REL: variants seen among roughly 807,000 people sequenced by gnomAD.
The protein encoded by REL is REL proto-oncogene, NF-kB subunit, also known as proto-oncogene c-Rel.
Under a neutral mutation model 45.9 loss-of-function variants are expected in REL, and 15 were observed. The observed-to-expected ratio is 0.33, with a 90% confidence interval of 0.22 to 0.50. The LOEUF is 0.50. Among genes scored for constraint, REL ranks in the 20% least tolerant of loss-of-function variants. The probability of loss-of-function intolerance (pLI) is 0.98; values close to 1 mark genes in which losing one functional copy is unlikely to be tolerated. For synonymous variants in REL, 239 were observed against 242.1 expected, an observed-to-expected ratio of 0.99 and a Z score of 0.12; for missense variants, 601 against 715.2, an observed-to-expected ratio of 0.84 and a Z score of 1.82.
rs1291307536 is a variant in REL at position 60,929,509 on chromosome 2, A to T, written c.*6974A>T. 2 of 151,636 alleles carry T rather than the reference A, an allele frequency of 1.3e-5. No individual in the cohort carries two copies. The highest frequency in any genetic ancestry group is 4.9e-5 in the African/African-American group (2 of 41,194). The allele number at this position is 151,636 out of a possible 1,614,324, so 9.4% of individuals were successfully genotyped here. On this transcript the variant is annotated 3_prime_UTR_variant, in exon 10 of 10. Transcript: ENST00000394479. ...TGCAGCCATAAAAAATGATGAATTC[A>T]TGTCCTTTGTAGGGACATGGATGAA...
chr2:60,917,439 C>A (rs956453043), intron 5 of REL, among the ~76,000 whole-genome samples: 10 of 151,814 alleles, frequency 6.6e-5, no homozygotes, highest in African/African-American at 2.4e-4. Context: ...TACCCTCTTA[C>A]AAGGCATTTG....
Position 60,891,875 on chromosome 2 carries a change from C to G in REL, c.153+50C>G, listed in dbSNP as rs780568160. On this transcript the variant is annotated intron_variant, in intron 2 of 9. Transcript: ENST00000394479. ...ATCTCACTATTAGTTGCTTCATATACTAGCTATAGCAATTATTTTAAAGGG... is the reference window on the plus strand; with the variant it reads ...ATCTCACTATTAGTTGCTTCATATAGTAGCTATAGCAATTATTTTAAAGGG... 10 of 1,449,412 alleles carry G rather than the reference C, an allele frequency of 6.9e-6. 1 individual carries two copies. The Admixed American group carries it at 1.4e-4, about 20-fold the overall frequency. 89.8% of individuals were successfully genotyped at this position (1,449,412 alleles called of 1,614,324 possible).
chr2:60,923,382 A>G lies in REL; in HGVS notation c.*847A>G, dbSNP rs1674196173. 1 of 230,952 alleles carries G rather than the reference A, an allele frequency of 4.3e-6. No individual in the cohort carries two copies. The highest frequency in any genetic ancestry group is 2.2e-5 in the African/African-American group (1 of 45,210). 14.3% of individuals were successfully genotyped at this position (230,952 alleles called of 1,614,324 possible). A position where few individuals can be genotyped will look rare whatever the true frequency, so the allele number is the denominator to read the frequency against. On this transcript the variant is annotated 3_prime_UTR_variant, in exon 10 of 10. Transcript: ENST00000394479. ...TGCTTATGATTTTAGCTGTACACTC[A>G]TTTTTTAAGGGGAAGAAGTTTCCTT...
chr2:60,886,683 A>C (rs1346868990), intron 1 of REL, among the ~76,000 whole-genome samples: 1 of 152,156 alleles, frequency 6.6e-6, no homozygotes, highest in Admixed American at 6.5e-5. Context: ...AATTCTAGCA[A>C]TAAAGTGTTT....
At chr2:60,910,809 G>A in intron 4 of REL, among the ~76,000 whole-genome samples, 1 of 152,066 alleles carries the variant, frequency 6.6e-6, no homozygotes, top group Non-Finnish European at 1.5e-5. Flanking sequence ...GTGCATGCCT[G>A]TAATCCTAGC....
intron 4 of REL, among the ~76,000 whole-genome samples, chr2:60,910,659 C>T (rs1673788642): frequency 6.6e-6 from 1 of 152,110 alleles, no homozygotes; most frequent in South Asian, 2.1e-4. Flanking sequence ...TCAGGCCAGG[C>T]ACGGCCACTC....
At chr2:60,891,123 T>C (rs1673199628) in intron 1 of REL, among the ~76,000 whole-genome samples, 1 of 152,240 alleles carries the variant, frequency 6.6e-6, no homozygotes, top group African/African-American at 2.4e-5. Flanking sequence ...TTTGATATAC[T>C]GTGTGTAAGT....
chr2:60,890,274 G>A (rs367599087), intron 1 of REL, among the ~76,000 whole-genome samples: 4 of 152,198 alleles, frequency 2.6e-5, no homozygotes, highest in South Asian at 2.1e-4. Flanking sequence ...TAAGAATTTA[G>A]CACATATAAT....
intron 2 of REL, 113 bp downstream of exon 2, chr2:60,891,938 T>G: frequency 8.9e-7 from 1 of 1,121,792 alleles, no homozygotes; most frequent in Non-Finnish European, 1.2e-6. Flanking sequence ...GTTTATCTTT[T>G]TCTTTTTTCC....
rs781499416 is a variant in REL at position 60,921,990 on chromosome 2, A to G, written c.1219A>G (p.Asn407Asp). 6.2e-7 allele frequency: 1 copy of G among 1,614,176 alleles called. No individual in the cohort carries two copies. The stretch of plus-strand genomic sequence containing the variant: ...TTTTTCAACAAGGACACTTCCTTCT[A>G]ATTCGCAAGGTATCCCACCATTCCT... ...SSFSTRTLPS[N>D]SQGIPPFLRI... is the part of the protein sequence containing the mutation. The change falls in exon 10 of 10, where the codon AAT becomes GAT. Residue 407 changes from asparagine to aspartate, a missense_variant. This residue lies in a region of REL where 334 missense variants were observed against 333.1 expected (regional missense o/e 1.00). Coordinates refer to ENST00000394479, the MANE Select transcript of REL (RefSeq NM_001291746.2).
At chr2:60,918,353 T>G (rs1674039724) in intron 6 of REL, 41 bp from the exon 7 acceptor site, 1 of 1,579,132 alleles carries the variant, frequency 6.3e-7, no homozygotes, top group African/African-American at 1.4e-5. Context: ...TGCAGTTACT[T>G]TGTTTTCCCA....
At chr2:60,897,574 C>G (rs1673383806) in intron 3 of REL, among the ~76,000 whole-genome samples, 1 of 152,080 alleles carries the variant, frequency 6.6e-6, no homozygotes, top group Admixed American at 6.5e-5. Context: ...TCCCGAAATG[C>G]TGAGATTACA....
At chr2:60,889,108 CTTT>C (rs1207014779) in intron 1 of REL, among the ~76,000 whole-genome samples, 1 of 150,018 alleles carries the variant, frequency 6.7e-6, no homozygotes, top group Non-Finnish European at 1.5e-5. Flanking sequence ...TTTTAGTTCT[CTTT>C]TTAAGAGAGA....
intron 4 of REL, among the ~76,000 whole-genome samples, chr2:60,916,648 G>C (rs375116740): frequency 6.6e-6 from 1 of 152,066 alleles, no homozygotes; most frequent in East Asian, 1.9e-4. Flanking sequence ...CCCAGGTGAG[G>C]GGATAGTTAC....
intron 1 of REL, among the ~76,000 whole-genome samples, chr2:60,885,324 AAC>A (rs1673046235): frequency 6.6e-6 from 1 of 152,188 alleles, no homozygotes; most frequent in African/African-American, 2.4e-5. Flanking sequence ...TTATTTTTAA[AAC>A]AGAGGTGATT....
Position 60,881,704 on chromosome 2 carries a change from A to T in REL, c.-137A>T. 1.6e-6 allele frequency: 1 copy of T among 629,320 alleles called. No homozygotes were observed. 39.0% of individuals were successfully genotyped at this position (629,320 alleles called of 1,614,324 possible). ...GCAAACCCAGCGGAGGGCGGGAAGA[A>T]GGAGGAGGCCTCTAGGGTGGTCGGG... On this transcript the variant is annotated 5_prime_UTR_variant, in exon 1 of 10. The change creates a new upstream start codon in the 5' untranslated region. Coordinates refer to ENST00000394479, the MANE Select transcript of REL (RefSeq NM_001291746.2).
chr2:60,910,661 C>T (rs965808404), intron 4 of REL, among the ~76,000 whole-genome samples: 12 of 152,066 alleles, frequency 7.9e-5, no homozygotes, highest in Non-Finnish European at 1.2e-4. Context: ...AGGCCAGGCA[C>T]GGCCACTCAC....
intron 1 of REL, among the ~76,000 whole-genome samples, chr2:60,889,783 C>T (rs962990016): frequency 2.0e-5 from 3 of 152,198 alleles, no homozygotes; most frequent in African/African-American, 7.2e-5. Context: ...TGAGCTTATC[C>T]TTTTTTATGG....
Position 60,931,554 on chromosome 2 carries a change from G to T in REL, c.*9019G>T, listed in dbSNP as rs1674381777. The T allele has an allele frequency of 6.6e-6, 1 of 152,128 alleles. No homozygotes were observed. The highest frequency in any genetic ancestry group is 6.5e-5 in the Admixed American group (1 of 15,270). 9.4% of individuals were successfully genotyped at this position (152,128 alleles called of 1,614,324 possible). On this transcript the variant is annotated 3_prime_UTR_variant, in exon 10 of 10. Coordinates refer to ENST00000394479, the MANE Select transcript of REL (RefSeq NM_001291746.2). ...TTATACAGAATATTTTATTACATTTGCAATATCTTTGTATATAGTGATTTT... is the reference window on the plus strand; with the variant it reads ...TTATACAGAATATTTTATTACATTTTCAATATCTTTGTATATAGTGATTTT...
Sources: allele counts gnomAD v4.1 joint callset (sites outside exome capture counted in the v4.1 genomes callset), GRCh38; gene constraint gnomAD v4.1.1; regional missense constraint gnomAD v4.1.1; transcripts MANE v1.5; gene names NCBI Gene and HGNC (gene_info 2026-07-23, HGNC 2026-07-21).